SLC15A1: variants seen among roughly 807,000 people sequenced by gnomAD.
SLC15A1 encodes Caco-2 oligopeptide transporter.
In SLC15A1, 83 loss-of-function variants were observed where a neutral mutation model predicts 92.9. The ratio of observed to expected loss-of-function variants is 0.89; its 90% CI spans 0.75 to 1.07. The LOEUF (loss-of-function observed/expected upper bound fraction) is 1.07, where lower values mean the gene tolerates loss of function less well. Among genes scored for constraint, SLC15A1 ranks in the 50% least tolerant of loss-of-function variants. The probability of loss-of-function intolerance (pLI) is 0.00; values close to 1 mark genes in which losing one functional copy is unlikely to be tolerated. For missense variants in SLC15A1, 857 were observed against 880.1 expected (o/e 0.97, Z 0.33); for synonymous variants, 322 against 318.2 (o/e 1.01, Z -0.13).
chr13:98,692,206 T>G (rs565624593), intron 18 of SLC15A1, among the ~76,000 whole-genome samples: 1 of 129,814 alleles, frequency 7.7e-6, no homozygotes, highest in East Asian at 2.5e-4. Flanking sequence ...CAGGCTGGAG[T>G]GCAGTGGTGC....
intron 18 of SLC15A1, among the ~76,000 whole-genome samples, chr13:98,696,551 A>G (rs904629863): frequency 6.6e-6 from 1 of 152,244 alleles, no homozygotes; most frequent in African/African-American, 2.4e-5. Flanking sequence ...AAGTAAAGCA[A>G]CGGAAACCAC....
chr13:98,727,341 G>A (rs1026516069), intron 1 of SLC15A1, among the ~76,000 whole-genome samples: 3 of 152,118 alleles, frequency 2.0e-5, no homozygotes, highest in Non-Finnish European at 2.9e-5. Context: ...TCTTGCCACC[G>A]ATATTCCCTT....
chr13:98,710,808 CA>C (rs4646225), intron 11 of SLC15A1, among the ~76,000 whole-genome samples: 15,667 of 71,320 alleles, frequency 0.22, 583 homozygotes, highest in East Asian at 0.33. Context: ...ACTCTTGACT[CA>C]AAAAAAAAAA....
At chr13:98,694,897 A>C (rs1270812942) in intron 18 of SLC15A1, among the ~76,000 whole-genome samples, 1 of 151,776 alleles carries the variant, frequency 6.6e-6, no homozygotes, top group East Asian at 1.9e-4. Context: ...GTGTGGTGGC[A>C]TGCACCTGTA....
intron 1 of SLC15A1, among the ~76,000 whole-genome samples, chr13:98,740,028 C>T (rs192115273): frequency 5.1e-4 from 77 of 152,180 alleles, no homozygotes; most frequent in African/African-American, 1.8e-3. Flanking sequence ...GTAGAAGTGC[C>T]GATGATGTCA....
intron 11 of SLC15A1, 121 bp from the exon 12 acceptor site, chr13:98,710,032 G>T: frequency 1.1e-6 from 1 of 909,978 alleles, no homozygotes; most frequent in Non-Finnish European, 1.8e-6. Flanking sequence ...ATTTAAAGTT[G>T]TTTTAAACAT....
intron 1 of SLC15A1, among the ~76,000 whole-genome samples, chr13:98,740,115 A>G (rs905761132): frequency 6.6e-6 from 1 of 152,230 alleles, no homozygotes; most frequent in Non-Finnish European, 1.5e-5. Context: ...AGCCATCATG[A>G]CAAGCCTTAT....
intron 21 of SLC15A1, among the ~76,000 whole-genome samples, chr13:98,687,091 G>A (rs1334439911): frequency 6.6e-6 from 1 of 151,740 alleles, no homozygotes; most frequent in African/African-American, 2.4e-5. Context: ...GGGACCACAA[G>A]CGTGCTCTAC....
chr13:98,711,665 GGTTTTGTTTT>G (rs4001067), intron 11 of SLC15A1, among the ~76,000 whole-genome samples, 179 bp downstream of exon 11: 6 of 151,266 alleles, frequency 4.0e-5, no homozygotes, highest in Admixed American at 2.0e-4. Flanking sequence ...AATTGCTTTT[GGTTTTGTTTT>G]GTTTTGTTTT....
intron 11 of SLC15A1, among the ~76,000 whole-genome samples, chr13:98,710,853 T>C (rs571610706): frequency 6.7e-6 from 1 of 149,088 alleles, no homozygotes; most frequent in Admixed American, 6.7e-5. Context: ...CCTGTTTGAG[T>C]TCTTCATACA....
chr13:98,705,929 G>C (rs970227213), intron 16 of SLC15A1, among the ~76,000 whole-genome samples: 6 of 151,474 alleles, frequency 4.0e-5, no homozygotes, highest in African/African-American at 1.5e-4. Flanking sequence ...ATTTTAACCA[G>C]CTCCCTGGGC....
chr13:98,742,819 A>G (rs2088459733), intron 1 of SLC15A1, among the ~76,000 whole-genome samples: 1 of 152,206 alleles, frequency 6.6e-6, no homozygotes, highest in Admixed American at 6.5e-5. Flanking sequence ...TCTGTTGCCC[A>G]GGCTGCAGTG....
intron 18 of SLC15A1, among the ~76,000 whole-genome samples, chr13:98,694,979 C>A (rs1233457110): frequency 7.1e-6 from 1 of 140,712 alleles, no homozygotes; most frequent in Admixed American, 8.0e-5. Flanking sequence ...CAAGATCACA[C>A]CACTGCACTC....
At chr13:98,741,155 G>A (rs944493539) in intron 1 of SLC15A1, among the ~76,000 whole-genome samples, 4 of 152,200 alleles carry the variant, frequency 2.6e-5, no homozygotes, top group Non-Finnish European at 5.9e-5. Context: ...ACAAGTGAGC[G>A]AGGGCCACTC....
chr13:98,744,688 G>T (rs1376819033), intron 1 of SLC15A1, among the ~76,000 whole-genome samples: 1 of 138,924 alleles, frequency 7.2e-6, no homozygotes, highest in African/African-American at 2.7e-5. Flanking sequence ...GGCAGAGGTT[G>T]CAGTGAGCCG....
chr13:98,746,923 G>A (rs951784658), intron 1 of SLC15A1, among the ~76,000 whole-genome samples: 9 of 152,196 alleles, frequency 5.9e-5, no homozygotes, highest in Middle Eastern at 3.4e-3. Context: ...CCTGTGCCCC[G>A]TGGCTGTGGC....
At chr13:98,735,593 C>A (rs1397823802) in intron 1 of SLC15A1, among the ~76,000 whole-genome samples, 2 of 152,198 alleles carry the variant, frequency 1.3e-5, no homozygotes, top group Non-Finnish European at 2.9e-5. Flanking sequence ...TAGAAAAACC[C>A]AAAGTCTCAG....
At chr13:98,694,759 G>T (rs566872258) in intron 18 of SLC15A1, among the ~76,000 whole-genome samples, 2 of 152,298 alleles carry the variant, frequency 1.3e-5, no homozygotes, top group South Asian at 4.1e-4. Context: ...GGGCATGGTG[G>T]CTCATGCCTG....
At chr13:98,713,743 C>A (rs1455172137) in intron 9 of SLC15A1, among the ~76,000 whole-genome samples, 2 of 151,916 alleles carry the variant, frequency 1.3e-5, no homozygotes, top group African/African-American at 4.8e-5. Context: ...GAGGCATGAG[C>A]GTGATCGAAA....
Sources: allele counts gnomAD v4.1 joint callset (sites outside exome capture counted in the v4.1 genomes callset), GRCh38; gene constraint gnomAD v4.1.1; transcripts MANE v1.5; gene names NCBI Gene and HGNC (gene_info 2026-07-23, HGNC 2026-07-21).